Variants in ROR2 observed in about 807,000 individuals in gnomAD.
ROR2 encodes ROR family WNT receptor 2.
In ROR2, 33 loss-of-function variants were observed where a neutral mutation model predicts 74.9. That is an observed-to-expected ratio of 0.44 (90% CI 0.33 to 0.59). ROR2 has a LOEUF of 0.59. Among genes scored for constraint, ROR2 ranks in the 20% least tolerant of loss-of-function variants. The probability of loss-of-function intolerance (pLI) is 0.02; values close to 1 mark genes in which losing one functional copy is unlikely to be tolerated. For synonymous variants in ROR2, 586 were observed against 558.7 expected (o/e 1.05, Z -0.69); for missense variants, 1,216 against 1,313.8 (o/e 0.93, Z 1.15).
intron 1 of ROR2, among the ~76,000 whole-genome samples, chr9:91,803,439 G>A (rs1008109412): frequency 2.0e-5 from 3 of 152,222 alleles, no homozygotes; most frequent in African/African-American, 7.2e-5. Context: ...TGCTATGCAG[G>A]ATGAAAACAG....
rs561552723 is a variant in ROR2, at chr9:91,757,893, T to C, written c.176-334A>G. ...AATGTGTACTGTTGATTCCTTCACATTGAACCCATGGCCAACAGCCTCATA... is the reference window on the plus strand; with the variant it reads ...AATGTGTACTGTTGATTCCTTCACACTGAACCCATGGCCAACAGCCTCATA... On this transcript the variant is annotated intron_variant, in intron 2 of 8. Coordinates refer to ENST00000375708, the MANE Select transcript of ROR2 (RefSeq NM_004560.4). 2.9e-4 allele frequency among the ~76,000 whole-genome samples: 44 copies of C among 152,326 alleles called. No individual in the cohort carries two copies. The South Asian group carries it at 9.1e-3, about 32-fold the overall frequency.
chr9:91,728,980 G>T (rs920580558), intron 7 of ROR2, among the ~76,000 whole-genome samples: 1 of 151,642 alleles, frequency 6.6e-6, no homozygotes, highest in African/African-American at 2.4e-5. Context: ...TTTATGCCCT[G>T]TAAGTACAAA....
intron 1 of ROR2, among the ~76,000 whole-genome samples, chr9:91,784,795 G>C (rs1015091741): frequency 6.6e-6 from 1 of 152,160 alleles, no homozygotes; most frequent in South Asian, 2.1e-4. Flanking sequence ...TACACACAAA[G>C]TCCTAACCTA....
At chr9:91,803,351 A>G (rs1337286604) in intron 1 of ROR2, among the ~76,000 whole-genome samples, 1 of 152,238 alleles carries the variant, frequency 6.6e-6, no homozygotes, top group Non-Finnish European at 1.5e-5. Context: ...ATCCAGAGCA[A>G]TCAAATCCAC....
intron 1 of ROR2, among the ~76,000 whole-genome samples, chr9:91,906,533 A>G (rs1830823041): frequency 6.6e-6 from 1 of 152,128 alleles, no homozygotes; most frequent in Admixed American, 6.6e-5. Flanking sequence ...ATGCCCCTCA[A>G]TTCTCTGACC....
chr9:91,885,969 G>A (rs1830257924), intron 1 of ROR2, among the ~76,000 whole-genome samples: 1 of 151,484 alleles, frequency 6.6e-6, no homozygotes, highest in African/African-American at 2.4e-5. Flanking sequence ...CGCTTCCGGG[G>A]TTCAAGCGAT....
intron 1 of ROR2, among the ~76,000 whole-genome samples, chr9:91,904,697 T>C (rs1830766496): frequency 6.6e-6 from 1 of 151,842 alleles, no homozygotes; most frequent in Non-Finnish European, 1.5e-5. Flanking sequence ...AAAGATCCCA[T>C]CTCCACCCCA....
At chr9:91,727,568 C>A (rs1348085247) in intron 7 of ROR2, among the ~76,000 whole-genome samples, 1 of 152,208 alleles carries the variant, frequency 6.6e-6, no homozygotes, top group Non-Finnish European at 1.5e-5. Flanking sequence ...AAGCACCCCA[C>A]ACGTCAAAGC....
intron 2 of ROR2, among the ~76,000 whole-genome samples, chr9:91,771,274 C>T (rs868141933): frequency 6.6e-6 from 1 of 152,208 alleles, no homozygotes; most frequent in African/African-American, 2.4e-5. Context: ...AGCAGACGGG[C>T]GAGCCCACAT....
intron 7 of ROR2, 133 bp from the exon 8 acceptor site, chr9:91,726,876 G>A: frequency 2.4e-6 from 2 of 816,328 alleles, no homozygotes; most frequent in Non-Finnish European, 2.0e-6. Flanking sequence ...TACACAATGG[G>A]GTAAAAGGGC....
intron 1 of ROR2, chr9:91,886,804 G>T (rs982689383): frequency 6.6e-6 from 1 of 152,214 alleles, no homozygotes; most frequent in East Asian, 1.9e-4. Context: ...GAAAGGAAAA[G>T]ATAACGTTAC....
chr9:91,929,057 G>A (rs1021977854), intron 1 of ROR2, among the ~76,000 whole-genome samples: 2 of 152,252 alleles, frequency 1.3e-5, no homozygotes, highest in African/African-American at 4.8e-5. Context: ...TGGGCACTGT[G>A]GCTTTGTGCC....
intron 1 of ROR2, among the ~76,000 whole-genome samples, chr9:91,795,028 G>A (rs962724703): frequency 2.5e-4 from 38 of 151,436 alleles, no homozygotes; most frequent in African/African-American, 8.5e-4. Flanking sequence ...AGGTTGAGGA[G>A]GCTTGCTTAA....
chr9:91,770,615 A>C (rs1310370645), intron 2 of ROR2, among the ~76,000 whole-genome samples: 4 of 152,206 alleles, frequency 2.6e-5, no homozygotes, highest in African/African-American at 9.6e-5. Context: ...CAGTCTGTAG[A>C]TTCAGAAACT....
chr9:91,908,138 T>TG (rs1471306920), intron 1 of ROR2, among the ~76,000 whole-genome samples: 1 of 152,088 alleles, frequency 6.6e-6, no homozygotes, highest in African/African-American at 2.4e-5. Flanking sequence ...GTATTATCAA[T>TG]GGGGGGAGGG....
chr9:91,732,101 G>T (rs1837263290), intron 6 of ROR2, among the ~76,000 whole-genome samples: 1 of 152,138 alleles, frequency 6.6e-6, no homozygotes, highest in Non-Finnish European at 1.5e-5. Flanking sequence ...GGCCCTGGCT[G>T]GTCCTGGTAA....
chr9:91,783,435 G>C (rs1249160123), intron 1 of ROR2, among the ~76,000 whole-genome samples: 1 of 152,186 alleles, frequency 6.6e-6, no homozygotes, highest in Non-Finnish European at 1.5e-5. Context: ...GTACAGGTGT[G>C]CTGGGACTGC....
chr9:91,842,250 C>T (rs976556286), intron 1 of ROR2, among the ~76,000 whole-genome samples: 7 of 152,204 alleles, frequency 4.6e-5, no homozygotes, highest in African/African-American at 1.4e-4. Flanking sequence ...CCTAATTACT[C>T]GAGCATACTC....
intron 6 of ROR2, 142 bp from the exon 7 acceptor site, chr9:91,731,297 T>C: frequency 1.7e-6 from 2 of 1,211,614 alleles, no homozygotes; most frequent in Non-Finnish European, 2.4e-6. Context: ...AATGGCTTAA[T>C]GAAGTCCCAA....
Sources: allele counts gnomAD v4.1 joint callset (sites outside exome capture counted in the v4.1 genomes callset), GRCh38; gene constraint gnomAD v4.1.1; transcripts MANE v1.5; gene names NCBI Gene and HGNC (gene_info 2026-07-23, HGNC 2026-07-21).